TRRAP: variants seen among roughly 807,000 people sequenced by gnomAD.
TRRAP encodes the protein transformation/transcription domain associated protein, also known as transformation/transcription domain-associated protein.
A neutral mutation model predicts 438.8 loss-of-function variants in TRRAP; 41 were observed. The observed-to-expected ratio is 0.09, with a 90% CI of 0.07 to 0.12. TRRAP has a LOEUF of 0.12. TRRAP is among the 10% of genes least tolerant of loss of function. The pLI, the probability that TRRAP is intolerant of heterozygous loss-of-function variation, is 1.00. For synonymous variants in TRRAP, 1,994 were observed against 1,962.9 expected (o/e 1.02, Z -0.42); for missense variants, 3,122 against 5,055.1 (o/e 0.62, Z 11.60).
At position 98,972,824 on chromosome 7, in the gene TRRAP, T is replaced by C. The variant is rs145167214; in HGVS notation, c.7839+879T>C. On this transcript the variant is annotated intron_variant, in intron 53 of 72. Coordinates refer to ENST00000456197, the MANE Select transcript of TRRAP (RefSeq NM_001375524.1). The stretch of plus-strand genomic sequence containing the variant: ...AATCTTTTGGTGACCTATGTTGAAC[T>C]TGTGCACTGGATCAGTCTTTGAACT... Among the ~76,000 whole-genome samples, 1,009 of 152,352 alleles carry C rather than the reference T, an allele frequency of 6.6e-3. 6 individuals are homozygous for C. The highest frequency in any genetic ancestry group is 0.01 in the Non-Finnish European group (683 of 68,038).
At chr7:98,898,292 T>C (rs1370029455) in intron 8 of TRRAP, among the ~76,000 whole-genome samples, 1 of 152,236 alleles carries the variant, frequency 6.6e-6, no homozygotes, top group Non-Finnish European at 1.5e-5. Context: ...AGAAAGTTAA[T>C]GAACCTGCGT....
At chr7:98,943,415 G>A (rs563609429) in intron 31 of TRRAP, among the ~76,000 whole-genome samples, 25 of 152,202 alleles carry the variant, frequency 1.6e-4, no homozygotes, top group African/African-American at 5.5e-4. Flanking sequence ...CGGGGTGGTC[G>A]GTAAATGTGT....
At position 98,970,124 on chromosome 7, in the gene TRRAP, G is replaced by T. The variant is rs150643572; in HGVS notation, c.7525G>T (p.Val2509Leu). The T allele has an allele frequency of 6.2e-7, 1 of 1,613,788 alleles. No individual in the cohort carries two copies. Among genetic ancestry groups the T allele is most frequent in the East Asian group, 2.2e-5 (1 of 44,874 alleles). Residue 2509 changes from valine (V) to leucine (L), a missense_variant, in exon 52 of 73, where the codon GTG becomes TTG. This residue lies in a region of TRRAP where 992 missense variants were observed against 1,281.2 expected (regional missense o/e 0.77). Transcript: ENST00000456197. ...IKQCIELLLA[V>L]CEKSTPIGTS... ...GCACCCCTTGCAGCTGCTTCTGGCC[G>T]TGTGTGAGAAGAGCACCCCCATTGG...
intron 4 of TRRAP, 78 bp from the exon 5 acceptor site, chr7:98,892,346 C>T: frequency 2.5e-6 from 3 of 1,217,500 alleles, no homozygotes; most frequent in Non-Finnish European, 3.6e-6. Context: ...CTGTGTGACA[C>T]TTGCAGAGTG....
At chr7:98,913,279 G>T (rs1789364997) in intron 18 of TRRAP, among the ~76,000 whole-genome samples, 1 of 151,858 alleles carries the variant, frequency 6.6e-6, no homozygotes, top group Non-Finnish European at 1.5e-5. Flanking sequence ...CTTCACTCAG[G>T]TTTTGTTTTT....
At chr7:98,951,037 A>C (rs573385695) in intron 39 of TRRAP, 33 bp downstream of exon 39, 3 of 1,523,684 alleles carry the variant, frequency 2.0e-6, no homozygotes, top group African/African-American at 1.4e-5. Context: ...TGTGAGAAGT[A>C]GCCTGGCATG....
At chr7:98,996,911 C>G (rs1793686581) in intron 67 of TRRAP, among the ~76,000 whole-genome samples, 1 of 152,054 alleles carries the variant, frequency 6.6e-6, no homozygotes, top group African/African-American at 2.4e-5. Context: ...ATTAAGTATC[C>G]TCTTTGACAA....
chr7:98,945,657 C>T, intron 31 of TRRAP, 90 bp from the exon 32 acceptor site: 1 of 1,462,070 alleles, frequency 6.8e-7, no homozygotes, highest in Non-Finnish European at 9.2e-7. Context: ...TCTTGTTAAC[C>T]CCAATAACCC....
In TRRAP at chr7:98,949,709, A is replaced by G. The variant is rs1554417742; in HGVS notation, c.5003A>G (p.His1668Arg). Reference sequence around the variant, plus strand: ...GATGACTCCTGGCTGGCCAGCCAGCACTCTCTGGTGAGCCAGTTGCGACGT... The same window carrying G: ...GATGACTCCTGGCTGGCCAGCCAGCGCTCTCTGGTGAGCCAGTTGCGACGT... ...KNDDSWLASQ[H>R]SLVSQLRRVW... The change falls in exon 37 of 73, where the codon CAC becomes CGC. Residue 1668 changes from histidine (H) to arginine (R), a missense_variant. Physicochemically the swap from His to Arg is conservative, Grantham distance 29. Around this residue, in one of 24 missense-constraint regions of TRRAP, gnomAD observed 272 missense variants for 348.5 expected, o/e 0.78. Transcript: ENST00000456197. The G allele has an allele frequency of 6.2e-7, 1 of 1,613,828 alleles. No individual in the cohort carries two copies. Among genetic ancestry groups the G allele is most frequent in the African/African-American group, 1.3e-5 (1 of 74,878 alleles).
At chr7:99,001,600 T>C (rs1793922339) in intron 67 of TRRAP, among the ~76,000 whole-genome samples, 1 of 152,148 alleles carries the variant, frequency 6.6e-6, no homozygotes, top group Non-Finnish European at 1.5e-5. Context: ...CTGACTCATC[T>C]CAAAGTGCAG....
At chr7:98,881,929 C>T in intron 2 of TRRAP, 46 bp from the exon 3 acceptor site, 1 of 1,585,160 alleles carries the variant, frequency 6.3e-7, no homozygotes, top group Non-Finnish European at 8.6e-7. Flanking sequence ...AACATAATTT[C>T]CTTAACATAA....
intron 67 of TRRAP, among the ~76,000 whole-genome samples, chr7:99,001,565 A>T (rs1325773787): frequency 1.3e-5 from 2 of 152,166 alleles, no homozygotes; most frequent in East Asian, 3.8e-4. Context: ...CAAAACCAAA[A>T]CTGGAAAAAG....
intron 70 of TRRAP, among the ~76,000 whole-genome samples, chr7:99,010,498 G>A (rs1476133932): frequency 6.6e-6 from 1 of 152,202 alleles, no homozygotes; most frequent in African/African-American, 2.4e-5. Context: ...AGACCCCGTA[G>A]ATGGCCTGTA....
intron 51 of TRRAP, among the ~76,000 whole-genome samples, chr7:98,968,238 C>G (rs892091137): frequency 6.6e-6 from 1 of 152,130 alleles, no homozygotes; most frequent in Non-Finnish European, 1.5e-5. Flanking sequence ...GGGCTGGTCA[C>G]AAACTCCCAA....
chr7:98,933,559 A>G (rs1450921611), intron 27 of TRRAP, among the ~76,000 whole-genome samples, 157 bp downstream of exon 27: 1 of 152,150 alleles, frequency 6.6e-6, no homozygotes, highest in Non-Finnish European at 1.5e-5. Flanking sequence ...CTGAGCAGGT[A>G]TGTTGCGTCT....
chr7:98,906,345 C>T (rs1225146124), intron 13 of TRRAP, 90 bp downstream of exon 13: 49 of 1,025,768 alleles, frequency 4.8e-5, no homozygotes, highest in South Asian at 1.2e-4. Flanking sequence ...CAATGAACAC[C>T]GGCTGTTGAG....
chr7:99,006,174 A>G (rs1244118368), intron 69 of TRRAP, among the ~76,000 whole-genome samples: 2 of 152,140 alleles, frequency 1.3e-5, no homozygotes, highest in Non-Finnish European at 1.5e-5. Context: ...CGTAGATGAG[A>G]TGCTTATAAT....
chr7:98,958,150 A>G, intron 44 of TRRAP, 59 bp downstream of exon 44: 2 of 1,440,146 alleles, frequency 1.4e-6, no homozygotes, highest in Non-Finnish European at 1.9e-6. Flanking sequence ...ACTGACTAAC[A>G]CCCCAGGAGG....
intron 24 of TRRAP, among the ~76,000 whole-genome samples, 168 bp downstream of exon 24, chr7:98,930,374 C>T (rs1433087949): frequency 1.3e-5 from 2 of 152,014 alleles, no homozygotes; most frequent in African/African-American, 4.8e-5. Flanking sequence ...GTTGGGAGTT[C>T]GAGACCAGCC....
Sources: allele counts gnomAD v4.1 joint callset (sites outside exome capture counted in the v4.1 genomes callset), GRCh38; gene constraint gnomAD v4.1.1; regional missense constraint gnomAD v4.1.1; transcripts MANE v1.5; gene names NCBI Gene and HGNC (gene_info 2026-07-23, HGNC 2026-07-21).